The following POU6F2 variants were observed in gnomAD, a reference collection of about 807,000 sequenced individuals.
The protein encoded by POU6F2 is POU class 6 homeobox 2.
POU6F2 carries 31 observed loss-of-function variants against 71.3 expected under a neutral mutation model. The observed-to-expected ratio is 0.43, with a 90% CI of 0.33 to 0.59. The LOEUF (loss-of-function observed/expected upper bound fraction) is 0.59. POU6F2 is among the 20% of genes least tolerant of loss of function. The pLI is 0.04. For missense variants in POU6F2, 783 were observed against 856.8 expected (o/e 0.91, Z 1.07); for synonymous variants, 347 against 355.7 (o/e 0.98, Z 0.27).
chr7:39,270,440 A>G lies in POU6F2; in HGVS notation c.598+62820A>G, dbSNP rs73382922. 3.4e-3 allele frequency among the ~76,000 whole-genome samples: 514 copies of G among 152,358 alleles called. 1 individual carries two copies. Among genetic ancestry groups the G allele is most frequent in the African/African-American group, 0.012 (483 of 41,586 alleles). On this transcript the variant is annotated intron_variant, in intron 4 of 9. Transcript: ENST00000518318. ...ACTTGAATCCAGACAGTTTGATGTC[A>G]GAGATCATGCTTTTAACACATGCTA...
chr7:39,416,286 T>G (rs1019316909), intron 6 of POU6F2, among the ~76,000 whole-genome samples: 2 of 152,098 alleles, frequency 1.3e-5, no homozygotes, highest in Admixed American at 6.5e-5. Context: ...TCTTGAAAAG[T>G]CTGTATCAGA....
chr7:39,012,775 T>A (rs1452016833), intron 1 of POU6F2, among the ~76,000 whole-genome samples: 1 of 150,432 alleles, frequency 6.6e-6, no homozygotes, highest in Non-Finnish European at 1.5e-5. Flanking sequence ...TCTGTTGGAA[T>A]ACCCTGCCGT....
chr7:39,042,253 T>C (rs1244829436), intron 1 of POU6F2, among the ~76,000 whole-genome samples: 2 of 152,008 alleles, frequency 1.3e-5, no homozygotes, highest in African/African-American at 2.4e-5. Context: ...ACTCCTGCAA[T>C]GCTACTCCCC....
At chr7:39,323,261 G>T (rs189235147) in intron 4 of POU6F2, among the ~76,000 whole-genome samples, 1 of 152,310 alleles carries the variant, frequency 6.6e-6, no homozygotes, top group East Asian at 1.9e-4. Flanking sequence ...GTTCATTCTG[G>T]CTGCCATGGA....
At chr7:39,408,555 A>G (rs1182747647) in intron 6 of POU6F2, among the ~76,000 whole-genome samples, 1 of 152,244 alleles carries the variant, frequency 6.6e-6, no homozygotes, top group African/African-American at 2.4e-5. Flanking sequence ...GGTACTGTGC[A>G]TACATTGAAT....
chr7:39,051,416 G>A (rs538287600), intron 1 of POU6F2, among the ~76,000 whole-genome samples: 30 of 152,174 alleles, frequency 2.0e-4, no homozygotes, highest in South Asian at 6.2e-4. Context: ...GCTAATGCTC[G>A]AAAATCTACT....
intron 2 of POU6F2, among the ~76,000 whole-genome samples, chr7:39,091,257 C>T (rs916032256): frequency 2.0e-5 from 3 of 152,168 alleles, no homozygotes; most frequent in African/African-American, 7.2e-5. Flanking sequence ...GGGGACAGTG[C>T]ACAATATGTG....
At chr7:39,226,910 C>T (rs1794470674) in intron 4 of POU6F2, among the ~76,000 whole-genome samples, 1 of 152,168 alleles carries the variant, frequency 6.6e-6, no homozygotes, top group Non-Finnish European at 1.5e-5. Context: ...ATTTCACATG[C>T]TATTCTTCTT....
chr7:39,218,070 G>T (rs373266908), intron 4 of POU6F2, among the ~76,000 whole-genome samples: 10 of 152,214 alleles, frequency 6.6e-5, no homozygotes, highest in Admixed American at 3.9e-4. Context: ...CTGTAAATCA[G>T]GGCTTCTGAT....
At chr7:39,221,600 C>T (rs1794362875) in intron 4 of POU6F2, among the ~76,000 whole-genome samples, 1 of 151,962 alleles carries the variant, frequency 6.6e-6, no homozygotes, top group South Asian at 2.1e-4. Flanking sequence ...GTTGGCCAGG[C>T]TGGTCTCGAA....
intron 2 of POU6F2, among the ~76,000 whole-genome samples, chr7:39,140,230 C>T (rs2128731610): frequency 6.6e-6 from 1 of 152,280 alleles, no homozygotes; most frequent in Non-Finnish European, 1.5e-5. Flanking sequence ...CAATTTTCCA[C>T]CCTGGTGTCC....
chr7:39,349,051 A>T (rs1308873791), intron 5 of POU6F2, among the ~76,000 whole-genome samples: 2 of 152,196 alleles, frequency 1.3e-5, no homozygotes, highest in African/African-American at 4.8e-5. Flanking sequence ...CACAACTAAA[A>T]TAACCTCCAT....
intron 7 of POU6F2, among the ~76,000 whole-genome samples, chr7:39,448,946 C>A (rs1334226820): frequency 6.6e-6 from 1 of 152,194 alleles, no homozygotes; most frequent in African/African-American, 2.4e-5. Flanking sequence ...TAATATGTGT[C>A]CCTACAGTAT....
chr7:39,198,312 A>C (rs2128744501), intron 2 of POU6F2, among the ~76,000 whole-genome samples: 1 of 152,336 alleles, frequency 6.6e-6, no homozygotes, highest in Admixed American at 6.5e-5. Context: ...AAGTACAAAA[A>C]CATCTTCAGT....
At chr7:39,462,746 C>T (rs1788979075) in intron 9 of POU6F2, among the ~76,000 whole-genome samples, 1 of 152,160 alleles carries the variant, frequency 6.6e-6, no homozygotes, top group South Asian at 2.1e-4. Context: ...AGTAAATGTA[C>T]TCCTTCCGTC....
chr7:39,020,626 A>G (rs1355115509), intron 1 of POU6F2, among the ~76,000 whole-genome samples: 1 of 152,016 alleles, frequency 6.6e-6, no homozygotes, highest in Admixed American at 6.6e-5. Context: ...AATAAATCAA[A>G]CTCCTTAATT....
chr7:39,208,240 T>C (rs1794064057), intron 4 of POU6F2, among the ~76,000 whole-genome samples: 1 of 152,196 alleles, frequency 6.6e-6, no homozygotes, highest in Non-Finnish European at 1.5e-5. Flanking sequence ...TGTCTTGATA[T>C]TATGAAGGTT....
At chr7:39,235,688 G>A (rs1000596022) in intron 4 of POU6F2, among the ~76,000 whole-genome samples, 1 of 152,150 alleles carries the variant, frequency 6.6e-6, no homozygotes, top group Non-Finnish European at 1.5e-5. Flanking sequence ...TGTCACCTAG[G>A]CGTATTGTAA....
intron 5 of POU6F2, among the ~76,000 whole-genome samples, chr7:39,398,775 C>T (rs1466207936): frequency 6.6e-6 from 1 of 152,084 alleles, no homozygotes; most frequent in Non-Finnish European, 1.5e-5. Flanking sequence ...ACCAGAAGTT[C>T]CTAGAAGGAA....
Sources: gnomAD v4.1 joint callset for allele counts (sites outside exome capture counted in the v4.1 genomes callset) on GRCh38, gnomAD v4.1.1 for gene constraint, MANE v1.5 for transcripts, NCBI Gene and HGNC (gene_info 2026-07-23, HGNC 2026-07-21) for gene names.